Variants in NTM observed in about 807,000 individuals in gnomAD.
The protein encoded by NTM is IgLON family member 2.
NTM carries 13 observed loss-of-function variants against 42.1 expected under a neutral mutation model. The observed-to-expected ratio is 0.31, with a 90% CI of 0.20 to 0.49. The LOEUF is 0.49. NTM is among the 20% of genes least tolerant of loss of function. The pLI, the probability that NTM is intolerant of heterozygous loss-of-function variation, is 0.99. For missense variants in NTM, 373 were observed against 452.8 expected (o/e 0.82, Z 1.60); for synonymous variants, 187 against 179.2 (o/e 1.04, Z -0.35).
intron 1 of NTM, chr11:131,911,329 T>G: frequency 6.8e-7 from 1 of 1,474,570 alleles, no homozygotes; most frequent in Non-Finnish European, 9.0e-7. Flanking sequence ...CTCGGAGGAG[T>G]CTGCGCGCTT....
At chr11:131,802,850 G>A (rs2092240274) in intron 1 of NTM, among the ~76,000 whole-genome samples, 1 of 152,218 alleles carries the variant, frequency 6.6e-6, no homozygotes, top group Non-Finnish European at 1.5e-5. Flanking sequence ...ATTATTGATT[G>A]AGCTTTATCC....
chr11:131,769,949 G>T (rs553845976), intron 1 of NTM, among the ~76,000 whole-genome samples: 1 of 152,250 alleles, frequency 6.6e-6, no homozygotes, highest in African/African-American at 2.4e-5. Context: ...GCCACCTTTT[G>T]CCTGAGCCCT....
chr11:132,066,958 T>G (rs1594281852), intron 2 of NTM, among the ~76,000 whole-genome samples: 1 of 81,188 alleles, frequency 1.2e-5, no homozygotes, highest in African/African-American at 6.5e-5. Flanking sequence ...TTGTGAAACA[T>G]TTTTTTTTTC....
At chr11:131,784,599 G>A (rs2088797561) in intron 1 of NTM, among the ~76,000 whole-genome samples, 1 of 152,178 alleles carries the variant, frequency 6.6e-6, no homozygotes, top group African/African-American at 2.4e-5. Context: ...GTCCGGGCTT[G>A]GGGGTTAGGG....
chr11:131,673,804 G>T (rs1014955426), intron 1 of NTM, among the ~76,000 whole-genome samples: 4 of 152,162 alleles, frequency 2.6e-5, no homozygotes, highest in Admixed American at 6.5e-5. Context: ...TCTCACGTTT[G>T]CAGAAGTCCT....
chr11:132,058,110 C>T (rs923307747), intron 2 of NTM, among the ~76,000 whole-genome samples: 2 of 152,136 alleles, frequency 1.3e-5, no homozygotes, highest in Non-Finnish European at 2.9e-5. Flanking sequence ...TGTTGAGCCT[C>T]TTTTATTTTG....
chr11:131,685,121 T>C (rs2073660266), intron 1 of NTM, among the ~76,000 whole-genome samples: 1 of 152,206 alleles, frequency 6.6e-6, no homozygotes, highest in African/African-American at 2.4e-5. Flanking sequence ...CATGTGTAAT[T>C]GTTACAAAGC....
intron 4 of NTM, among the ~76,000 whole-genome samples, chr11:132,297,226 A>T (rs2094645277): frequency 6.6e-6 from 1 of 152,200 alleles, no homozygotes; most frequent in African/African-American, 2.4e-5. Flanking sequence ...GAATTTATTC[A>T]TTAGATTGTC....
At chr11:131,400,085 G>T (rs57712994) in intron 1 of NTM, among the ~76,000 whole-genome samples, 50,974 of 151,760 alleles carry the variant, frequency 0.34, 9,239 homozygotes, top group African/African-American at 0.47. Context: ...AATAATGAAA[G>T]AGAGATGGAT....
intron 2 of NTM, among the ~76,000 whole-genome samples, chr11:132,054,672 G>A (rs2079345898): frequency 6.6e-6 from 1 of 152,162 alleles, no homozygotes; most frequent in African/African-American, 2.4e-5. Flanking sequence ...AGTCAATCTA[G>A]ACCCAAAGAA....
chr11:131,463,313 G>A (rs780917871), intron 1 of NTM, among the ~76,000 whole-genome samples: 2 of 152,186 alleles, frequency 1.3e-5, no homozygotes, highest in Non-Finnish European at 2.9e-5. Context: ...GCAGGGGCAC[G>A]TGCATCACCA....
intron 1 of NTM, among the ~76,000 whole-genome samples, chr11:131,673,991 G>T (rs2070886558): frequency 6.6e-6 from 1 of 152,224 alleles, no homozygotes; most frequent in Admixed American, 6.5e-5. Flanking sequence ...ATTGACTTCA[G>T]AAATGCTATG....
intron 1 of NTM, among the ~76,000 whole-genome samples, chr11:131,515,585 G>A (rs906015881): frequency 5.3e-5 from 8 of 152,216 alleles, no homozygotes; most frequent in African/African-American, 1.4e-4. Flanking sequence ...GGTTCAAGGC[G>A]AGAATTGTAA....
chr11:131,678,170 G>A (rs2658829), intron 1 of NTM, among the ~76,000 whole-genome samples: 115,806 of 152,176 alleles, frequency 0.76, 44,169 homozygotes, highest in African/African-American at 0.79. Context: ...AGACTGGACC[G>A]GGGTTTGAGG....
At chr11:131,514,677 C>G (rs2048671772) in intron 1 of NTM, among the ~76,000 whole-genome samples, 1 of 152,122 alleles carries the variant, frequency 6.6e-6, no homozygotes, top group Non-Finnish European at 1.5e-5. Context: ...CTCCCAGGCT[C>G]AAGCAATCCT....
intron 1 of NTM, among the ~76,000 whole-genome samples, chr11:131,531,100 G>A (rs527793960): frequency 1.3e-5 from 2 of 152,304 alleles, no homozygotes; most frequent in East Asian, 1.9e-4. Flanking sequence ...TGGCAAAGCC[G>A]AGTGACAAGA....
At chr11:132,089,696 A>C (rs2060166545) in intron 2 of NTM, among the ~76,000 whole-genome samples, 1 of 152,170 alleles carries the variant, frequency 6.6e-6, no homozygotes, top group African/African-American at 2.4e-5. Context: ...CATTGTTCTC[A>C]TAAACTTTTT....
chr11:131,742,372 A>G (rs1406903587), intron 1 of NTM, among the ~76,000 whole-genome samples: 3 of 152,182 alleles, frequency 2.0e-5, no homozygotes, highest in Non-Finnish European at 4.4e-5. Flanking sequence ...TCGTGTTGGA[A>G]TTTATTCATT....
At chr11:131,806,412 C>T (rs2092483934) in intron 1 of NTM, among the ~76,000 whole-genome samples, 1 of 152,118 alleles carries the variant, frequency 6.6e-6, no homozygotes, top group Non-Finnish European at 1.5e-5. Flanking sequence ...CTCATGTGAG[C>T]CTCTCAATTC....
Sources: gnomAD v4.1 joint callset for allele counts (sites outside exome capture counted in the v4.1 genomes callset) on GRCh38, gnomAD v4.1.1 for gene constraint, MANE v1.5 for transcripts, NCBI Gene and HGNC (gene_info 2026-07-23, HGNC 2026-07-21) for gene names.